The following TRIM5 variants were observed in gnomAD, a reference collection of about 807,000 sequenced individuals.
TRIM5 encodes the protein tripartite motif containing 5.
Under a neutral mutation model 35.6 loss-of-function variants are expected in TRIM5, and 31 were observed. The observed-to-expected ratio is 0.87, with a 90% confidence interval of 0.65 to 1.18. The LOEUF (loss-of-function observed/expected upper bound fraction) is 1.18, where lower values mean the gene tolerates loss of function less well. Ranked by LOEUF, TRIM5 falls within the 50% of genes most tolerant of loss-of-function variation. The probability of loss-of-function intolerance (pLI) is 0.00; values close to 1 mark genes in which losing one functional copy is unlikely to be tolerated. For missense variants in TRIM5, 609 were observed against 591.6 expected (o/e 1.03, Z -0.31); for synonymous variants, 243 against 215.6 (o/e 1.13, Z -1.11).
chr11:5,676,291 A>T (rs1410070952), intron 4 of TRIM5, among the ~76,000 whole-genome samples: 1 of 152,180 alleles, frequency 6.6e-6, no homozygotes, highest in Non-Finnish European at 1.5e-5. Flanking sequence ...CAAAAATCAC[A>T]AGCATTCTTA....
At chr11:5,590,943 A>ACAG in the TRIM5 span, 1 of 166,466 alleles carries the variant, frequency 6.0e-6, no homozygotes, top group Non-Finnish European at 1.3e-5. Context: ...GTCTTCAAGA[A>ACAG]CTGTAATACT....
the TRIM5 span, chr11:5,611,958 T>C: frequency 6.6e-6 from 1 of 152,236 alleles, no homozygotes; most frequent in Admixed American, 6.5e-5. Flanking sequence ...TACAAGTTTT[T>C]GTATAAAATG....
At chr11:5,633,945 G>C in the TRIM5 span, 1 of 1,604,320 alleles carries the variant, frequency 6.2e-7, no homozygotes, top group Non-Finnish European at 8.5e-7. Context: ...ATCTTGACAG[G>C]ACCTTAATCC....
chr11:5,683,226 G>A (rs1181496568), intron 1 of TRIM5, among the ~76,000 whole-genome samples: 4 of 152,178 alleles, frequency 2.6e-5, no homozygotes, highest in Admixed American at 6.5e-5. Flanking sequence ...CGTCCCTGAC[G>A]AGCACCGCCC....
chr11:5,664,854 A>G lies in TRIM5; in HGVS notation c.1437T>C (p.Pro479=). The G allele has an allele frequency of 6.2e-6, 10 of 1,611,662 alleles. No homozygotes were observed. Among genetic ancestry groups the G allele is most frequent in the Non-Finnish European group, 8.5e-6 (10 of 1,179,010 alleles). Residue 479 remains proline, a synonymous_variant, in exon 8 of 8, where the codon CCT becomes CCC. Transcript: ENST00000380034. ...GAGTCATGGGGACTCCACATTTTCT[A>G]GGATTTAAATATGGAAATACAGGCT... ...FSQPVFPYLN[P]RKCGVPMTLC... is the part of the protein sequence containing the mutation.
the TRIM5 span, chr11:5,611,461 G>C: frequency 2.1e-5 from 21 of 997,632 alleles, no homozygotes; most frequent in African/African-American, 2.9e-4. Flanking sequence ...TTTGGTTTTT[G>C]AATCTTTTTT....
At chr11:5,605,336 G>T in the TRIM5 span, 1 of 1,613,936 alleles carries the variant, frequency 6.2e-7, no homozygotes, top group Non-Finnish European at 8.5e-7. Flanking sequence ...TGTTCCTGAA[G>T]AATCAGATGG....
At chr11:5,601,864 C>T in the TRIM5 span, among the ~76,000 whole-genome samples, 1 of 151,978 alleles carries the variant, frequency 6.6e-6, no homozygotes, top group Non-Finnish European at 1.5e-5. Context: ...GGAGCAGGGC[C>T]GTTAAGAAGT....
rs762845462 is a variant in TRIM5, at chr11:5,666,002, C to T, written c.847G>A (p.Gly283Arg). 6.2e-6 allele frequency: 10 copies of T among 1,612,820 alleles called. No homozygotes were observed. The highest frequency in any genetic ancestry group is 8.5e-6 in the Non-Finnish European group (10 of 1,179,732). ...TCACCTCTAAACACTTCTAGCATTC[C>T]TTTCAGATCAGGAGCTCGAAACACT... ...RRVFRAPDLK[G>R]MLEVFRELTD... The change falls in exon 6 of 8, where the codon GGA becomes AGA. Residue 283 changes from glycine to arginine, a missense_variant. Transcript: ENST00000380034.
rs375316720 is a variant in TRIM5 at position 5,664,795 on chromosome 11, G to A, written c.*14C>T. The A allele has an allele frequency of 1.3e-5, 20 of 1,569,166 alleles. No homozygotes were observed. The highest frequency in any genetic ancestry group is 1.6e-5 in the Non-Finnish European group (19 of 1,161,982). On this transcript the variant is annotated 3_prime_UTR_variant, in exon 8 of 8. Transcript: ENST00000380034. ...AGAGGTGCTGTACAGAAGGGGCTGAGTGTGTAAGAAGGTTCAAGAGCTTGG... is the reference window on the plus strand; with the variant it reads ...AGAGGTGCTGTACAGAAGGGGCTGAATGTGTAAGAAGGTTCAAGAGCTTGG...
the TRIM5 span, among the ~76,000 whole-genome samples, chr11:5,618,587 A>G: frequency 6.6e-6 from 1 of 152,252 alleles, no homozygotes; most frequent in Non-Finnish European, 1.5e-5. Context: ...TGCAAATTTT[A>G]ACACCACAGT....
the TRIM5 span, among the ~76,000 whole-genome samples, chr11:5,652,378 G>A: frequency 1.2e-4 from 18 of 152,168 alleles, no homozygotes; most frequent in African/African-American, 4.1e-4. Context: ...TCAATCTTCT[G>A]CATATGGCAA....
chr11:5,670,714 C>A (rs1304972314), intron 4 of TRIM5, among the ~76,000 whole-genome samples: 1 of 152,128 alleles, frequency 6.6e-6, no homozygotes, highest in Non-Finnish European at 1.5e-5. Flanking sequence ...CGACAGAAGC[C>A]TTACTGCCTT....
the TRIM5 span, among the ~76,000 whole-genome samples, chr11:5,650,648 T>C: frequency 7.9e-5 from 12 of 152,222 alleles, 1 homozygote; most frequent in African/African-American, 2.4e-4. Context: ...GGCCTGCTTA[T>C]GGCCACTCAT....
the TRIM5 span, chr11:5,589,866 G>A: frequency 6.5e-6 from 1 of 153,360 alleles, no homozygotes; most frequent in Non-Finnish European, 1.5e-5. Flanking sequence ...TCAGCTTGCA[G>A]GGAGGTGTGG....
chr11:5,613,519 G>A, the TRIM5 span, among the ~76,000 whole-genome samples: 6 of 152,186 alleles, frequency 3.9e-5, no homozygotes, highest in African/African-American at 7.2e-5. Context: ...CCTGGTCTGC[G>A]TTTCAATTGG....
chr11:5,643,342 G>C, the TRIM5 span: 1 of 1,613,922 alleles, frequency 6.2e-7, no homozygotes, highest in Non-Finnish European at 8.5e-7. Context: ...GGGGTATACT[G>C]TAGAACATAT....
At chr11:5,611,152 T>G in the TRIM5 span, 1 of 1,614,200 alleles carries the variant, frequency 6.2e-7, no homozygotes, top group Admixed American at 1.7e-5. Context: ...CTTCTCTCCA[T>G]GACAGTGCCC....
chr11:5,606,124 C>T, the TRIM5 span, among the ~76,000 whole-genome samples: 1 of 152,182 alleles, frequency 6.6e-6, no homozygotes. Context: ...TGCTTCTTAC[C>T]CAGCTTAGTC....
Sources: allele counts gnomAD v4.1 joint callset (sites outside exome capture counted in the v4.1 genomes callset), GRCh38; gene constraint gnomAD v4.1.1; transcripts MANE v1.5; gene names NCBI Gene and HGNC (gene_info 2026-07-23, HGNC 2026-07-21).